The following SLC28A2 variants were observed in gnomAD, a reference collection of about 807,000 sequenced individuals.
SLC28A2 encodes the protein sodium/nucleoside cotransporter 2.
In SLC28A2, 69 loss-of-function variants were observed where a neutral mutation model predicts 72.9. That is an observed-to-expected ratio of 0.95 (90% CI 0.78 to 1.16). SLC28A2 has a LOEUF of 1.16. Ranked by LOEUF, SLC28A2 falls within the 50% of genes most tolerant of loss-of-function variation. The pLI, the probability that SLC28A2 is intolerant of heterozygous loss-of-function variation, is 0.00. For missense variants in SLC28A2, 745 were observed against 791.1 expected, an observed-to-expected ratio of 0.94 and a Z score of 0.70; for synonymous variants, 296 against 294.1, an observed-to-expected ratio of 1.01 and a Z score of -0.07.
intron 3 of SLC28A2, among the ~76,000 whole-genome samples, chr15:45,257,754 G>A (rs1640700457): frequency 6.6e-6 from 1 of 152,122 alleles, no homozygotes; most frequent in Non-Finnish European, 1.5e-5. Context: ...TAAATTGTGA[G>A]TTCTTTCTCT....
intron 13 of SLC28A2, among the ~76,000 whole-genome samples, chr15:45,268,827 C>CATCATA (rs1900432649): frequency 6.6e-6 from 1 of 152,032 alleles, no homozygotes; most frequent in Non-Finnish European, 1.5e-5. Flanking sequence ...CCATGGAATA[C>CATCATA]TATGCAGCCA....
At chr15:45,274,060 G>A (rs995302648) in intron 17 of SLC28A2, among the ~76,000 whole-genome samples, 1 of 151,990 alleles carries the variant, frequency 6.6e-6, no homozygotes, top group African/African-American at 2.4e-5. Context: ...CAAAATGCTG[G>A]GATTATAGGC....
At position 45,275,675 on chromosome 15, in the gene SLC28A2, C is replaced by G. The variant is rs183740563; in HGVS notation, c.*162C>G. 2.4e-3 allele frequency: 1,456 copies of G among 602,382 alleles called. 3 individuals are homozygous for G. The highest frequency in any genetic ancestry group is 8.0e-3 in the Middle Eastern group (17 of 2,128). The allele number at this position is 602,382 out of a possible 1,614,324, so 37.3% of individuals were successfully genotyped here. On this transcript the variant is annotated 3_prime_UTR_variant, in exon 18 of 18. Transcript: ENST00000347644. ...TTTGGGCCGGGCTCAGTGGCTCATGCCTGTAATCCCAGCACTTTGGGAGGC... is the reference window on the plus strand; with the variant it reads ...TTTGGGCCGGGCTCAGTGGCTCATGGCTGTAATCCCAGCACTTTGGGAGGC...
intron 10 of SLC28A2, 140 bp downstream of exon 10, chr15:45,266,301 C>G (rs1174486609): frequency 6.0e-6 from 4 of 669,322 alleles, no homozygotes; most frequent in African/African-American, 5.4e-5. Context: ...GATAACTCAG[C>G]AGCTCAAAGA....
intron 5 of SLC28A2, 26 bp downstream of exon 5, chr15:45,263,270 C>G: frequency 6.2e-7 from 1 of 1,606,578 alleles, no homozygotes; most frequent in Non-Finnish European, 8.5e-7. Flanking sequence ...CAATACCTGG[C>G]CTCACAGCTT....
In SLC28A2 at chr15:45,266,061, A is replaced by C. The variant is rs749076625; in HGVS notation, c.862-20A>C. The C allele has an allele frequency of 6.5e-7, 1 of 1,544,656 alleles. No homozygotes were observed. Among genetic ancestry groups the C allele is most frequent in the Non-Finnish European group, 9.0e-7 (1 of 1,117,054 alleles). ...AGATTCCTGCTAACATTAATGGTTTAGGTTTCTGTATTCTTCTAGGTCGCC... is the reference window on the plus strand; with the variant it reads ...AGATTCCTGCTAACATTAATGGTTTCGGTTTCTGTATTCTTCTAGGTCGCC... On this transcript the variant is annotated intron_variant, in intron 9 of 17. Transcript: ENST00000347644.
chr15:45,272,897 G>A, intron 17 of SLC28A2, 113 bp downstream of exon 17: 1 of 631,558 alleles, frequency 1.6e-6, no homozygotes, highest in South Asian at 1.9e-5. Flanking sequence ...TAATGGCCTA[G>A]ATCAGTGTTC....
intron 10 of SLC28A2, 123 bp from the exon 11 acceptor site, chr15:45,267,332 C>T: frequency 9.3e-7 from 1 of 1,072,872 alleles, no homozygotes; most frequent in Non-Finnish European, 1.4e-6. Context: ...CTGTGGCTCA[C>T]TTAACAGTGC....
chr15:45,265,097 G>T lies in SLC28A2; in HGVS notation c.711G>T (p.Leu237=), dbSNP rs369795990. 1.2e-6 allele frequency: 2 copies of T among 1,611,476 alleles called. No homozygotes were observed. The highest frequency in any genetic ancestry group is 2.2e-5 in the South Asian group (2 of 91,006). ...QWLGEQVQIF[L]NYTVAGSSFV... is the part of the protein sequence containing the mutation. ...TCTTTTTTTCCCTTCAGATTTTCCT[G>T]AACTACACTGTGGCCGGCTCCAGTT... The change falls in exon 8 of 18, where the codon CTG becomes CTT. Residue 237 remains leucine (L), a synonymous_variant. Coordinates refer to ENST00000347644, the MANE Select transcript of SLC28A2 (RefSeq NM_004212.4).
chr15:45,265,354 T>C (rs970327858), intron 8 of SLC28A2, among the ~76,000 whole-genome samples, 188 bp downstream of exon 8: 2 of 152,144 alleles, frequency 1.3e-5, no homozygotes, highest in Non-Finnish European at 2.9e-5. Flanking sequence ...CATCATAAAA[T>C]TAGATGAAAT....
Position 45,276,540 on chromosome 15 carries a change from TAAATA to T in SLC28A2, c.*1035_*1039del, listed in dbSNP as rs1490805259. 9.5e-5 allele frequency: 3 copies of T among 31,746 alleles called. No individual in the cohort carries two copies. The highest frequency in any genetic ancestry group is 8.2e-4 in the South Asian group (1 of 1,214). 2.0% of individuals were successfully genotyped at this position (31,746 alleles called of 1,614,324 possible). On this transcript the variant is annotated 3_prime_UTR_variant, in exon 18 of 18. Coordinates refer to ENST00000347644, the MANE Select transcript of SLC28A2 (RefSeq NM_004212.4). ...GTGAAGCACCCACCAAAAAATAAAA[TAAATA>T]AAATAAATAAATAAAAGAAAAAATA... is the stretch of plus-strand genomic sequence containing the variant.
chr15:45,253,670 C>T, intron 3 of SLC28A2, 150 bp downstream of exon 3: 2 of 540,814 alleles, frequency 3.7e-6, no homozygotes, highest in Non-Finnish European at 3.4e-6. Flanking sequence ...TAAACATGTG[C>T]CATAAACTCC....
intron 2 of SLC28A2, 52 bp from the exon 3 acceptor site, chr15:45,253,380 A>G (rs1307326400): frequency 6.4e-7 from 1 of 1,567,300 alleles, no homozygotes; most frequent in East Asian, 2.2e-5. Context: ...CTCAATCCCC[A>G]TCATCCCTGG....
intron 14 of SLC28A2, 57 bp from the exon 15 acceptor site, chr15:45,270,138 A>T: frequency 8.5e-7 from 1 of 1,177,902 alleles, no homozygotes; most frequent in South Asian, 1.2e-5. Context: ...TATTGTGATT[A>T]TAAGACCGCA....
rs1899859072 is a variant in SLC28A2, at chr15:45,253,279, C to CT, written c.64_65insT (p.Pro22LeufsTer13). On this transcript the variant is annotated frameshift_variant, in exon 2 of 18. Coordinates refer to ENST00000347644, the MANE Select transcript of SLC28A2 (RefSeq NM_004212.4). LOFTEE classifies it high-confidence loss of function. Reference sequence around the variant, plus strand: ...CACAGTGGAGACTGGCACAGTGAACCCGGGGCTGGAGCTCATGGTAATCAC... The same window carrying CT: ...CACAGTGGAGACTGGCACAGTGAACCTCGGGGCTGGAGCTCATGGTAATCAC... The CT allele has an allele frequency of 1.2e-5, 20 of 1,613,210 alleles. No individual in the cohort carries two copies. Among genetic ancestry groups the CT allele is most frequent in the Non-Finnish European group, 1.7e-5 (20 of 1,179,332 alleles).
At chr15:45,268,833 A>AT (rs1900433423) in intron 13 of SLC28A2, among the ~76,000 whole-genome samples, 1 of 152,146 alleles carries the variant, frequency 6.6e-6, no homozygotes, top group Non-Finnish European at 1.5e-5. Context: ...AATACTATGC[A>AT]GCCATAAAAA....
intron 17 of SLC28A2, among the ~76,000 whole-genome samples, chr15:45,274,277 T>A (rs1411314265): frequency 6.6e-6 from 1 of 151,920 alleles, no homozygotes; most frequent in Admixed American, 6.6e-5. Context: ...GGCAGGAGGA[T>A]CACTTAAGCT....
At chr15:45,270,113 G>A in intron 14 of SLC28A2, 82 bp from the exon 15 acceptor site, 1 of 929,574 alleles carries the variant, frequency 1.1e-6, no homozygotes. Flanking sequence ...GGGGCTGTCA[G>A]TACTCTGGAA....
intron 12 of SLC28A2, 123 bp downstream of exon 12, chr15:45,267,919 A>G (rs1407968737): frequency 2.4e-6 from 3 of 1,230,414 alleles, no homozygotes; most frequent in Non-Finnish European, 3.5e-6. Context: ...CTTCTTGCCT[A>G]TCTCTGGTGC....
Sources: allele counts gnomAD v4.1 joint callset (sites outside exome capture counted in the v4.1 genomes callset), GRCh38; gene constraint gnomAD v4.1.1; transcripts MANE v1.5; gene names NCBI Gene and HGNC (gene_info 2026-07-23, HGNC 2026-07-21).